PCSK5: variants seen among roughly 807,000 people sequenced by gnomAD.
The protein encoded by PCSK5 is proprotein convertase subtilisin/kexin type 5.
A neutral mutation model predicts 233.2 loss-of-function variants in PCSK5; 129 were observed. The observed-to-expected ratio is 0.55, with a 90% CI of 0.48 to 0.64. PCSK5 has a LOEUF of 0.64. PCSK5 is among the 30% of genes least tolerant of loss of function. The pLI is 0.00. For missense variants in PCSK5, 2,076 were observed against 2,430.1 expected (o/e 0.85, Z 3.06); for synonymous variants, 825 against 879.2 (o/e 0.94, Z 1.09).
At chr9:76,156,478 A>G (rs1203003284) in intron 10 of PCSK5, among the ~76,000 whole-genome samples, 1 of 152,232 alleles carries the variant, frequency 6.6e-6, no homozygotes, top group Non-Finnish European at 1.5e-5. Flanking sequence ...ATTACTAGAT[A>G]TGTCAGAACG....
At position 76,328,122 on chromosome 9, in the gene PCSK5, T is replaced by C; in HGVS notation, c.4453T>C (p.Ser1485Pro). Residue 1485 changes from serine to proline, a missense_variant, in exon 33 of 38, where the codon TCC (serine) becomes CCC (proline). Transcript: ENST00000674117. ...SCMANEKCSP[S>P]EYWDEDAPGC... ...CATGGCCAACGAGAAGTGCTCACCCTCCGAGTACTGGGATGAGGATGCTCC... is the reference window on the plus strand; with the variant it reads ...CATGGCCAACGAGAAGTGCTCACCCCCCGAGTACTGGGATGAGGATGCTCC... 1 of 1,612,602 alleles carries C rather than the reference T, an allele frequency of 6.2e-7. No individual in the cohort carries two copies. The highest frequency in any genetic ancestry group is 8.5e-7 in the Non-Finnish European group (1 of 1,179,640).
At chr9:75,913,276 T>C (rs1265311918) in intron 1 of PCSK5, among the ~76,000 whole-genome samples, 1 of 152,372 alleles carries the variant, frequency 6.6e-6, no homozygotes, top group Admixed American at 6.5e-5. Flanking sequence ...ACCATCAAAG[T>C]ACCTGAATCA....
rs116251123 is a variant in PCSK5, at chr9:76,335,094, A to G, written c.4748+2484A>G. Among the ~76,000 whole-genome samples, 794 of 152,260 alleles carry G rather than the reference A, an allele frequency of 5.2e-3. 9 individuals are homozygous for G. Among genetic ancestry groups the G allele is most frequent in the African/African-American group, 0.018 (752 of 41,552 alleles). On this transcript the variant is annotated intron_variant, in intron 34 of 37. Coordinates refer to ENST00000674117, the MANE Select transcript of PCSK5 (RefSeq NM_001372043.1). ...CCCTGTCTTAAAAACAAACAAACAA[A>G]CAAACAAAAACAGGAATGAAGCTAC...
At chr9:75,936,761 C>T (rs1028885497) in intron 2 of PCSK5, among the ~76,000 whole-genome samples, 1 of 152,148 alleles carries the variant, frequency 6.6e-6, no homozygotes, top group African/African-American at 2.4e-5. Flanking sequence ...TTTGACCTCC[C>T]CTTATGAATC....
chr9:76,192,672 A>G (rs1824458943), intron 20 of PCSK5, among the ~76,000 whole-genome samples: 1 of 151,130 alleles, frequency 6.6e-6, no homozygotes, highest in Non-Finnish European at 1.5e-5. Context: ...AAATTAAACT[A>G]TTGTTCAATA....
At chr9:76,083,825 A>T (rs1438892793) in intron 7 of PCSK5, among the ~76,000 whole-genome samples, 1 of 152,236 alleles carries the variant, frequency 6.6e-6, no homozygotes, top group African/African-American at 2.4e-5. Context: ...GACAGAAGAG[A>T]TATAATGAAA....
intron 12 of PCSK5, among the ~76,000 whole-genome samples, chr9:76,166,411 A>G (rs4744783): frequency 0.34 from 52,304 of 152,008 alleles, 10,065 homozygotes; most frequent in African/African-American, 0.52. Flanking sequence ...TTTGTGCCCG[A>G]TGTGATTTGA....
chr9:76,184,658 T>C lies in PCSK5; in HGVS notation c.2198-15T>C, dbSNP rs751799294. 2.5e-6 allele frequency: 4 copies of C among 1,571,750 alleles called. No homozygotes were observed. In the South Asian group the frequency reaches 4.5e-5, roughly 18 times the overall value. On this transcript the variant is annotated splice_polypyrimidine_tract_variant and intron_variant, in intron 16 of 37. Transcript: ENST00000674117. ...ATTGACCAACTGATTTACAACTTTC[T>C]CTTTTTTTTAACAGAGAAAAATCTT...
intron 5 of PCSK5, among the ~76,000 whole-genome samples, chr9:76,043,335 CAA>C (rs71372040): frequency 2.8e-4 from 18 of 64,016 alleles, no homozygotes; most frequent in Non-Finnish European, 3.2e-4. Flanking sequence ...GACTCCATCT[CAA>C]AAAAAAAAAA....
intron 20 of PCSK5, among the ~76,000 whole-genome samples, chr9:76,206,415 T>G (rs1236551158): frequency 6.6e-6 from 1 of 152,208 alleles, no homozygotes; most frequent in African/African-American, 2.4e-5. Context: ...TCTGGAAGCA[T>G]ACGAAACATC....
chr9:76,068,411 A>G (rs1344266066), intron 6 of PCSK5, among the ~76,000 whole-genome samples: 1 of 152,106 alleles, frequency 6.6e-6, no homozygotes, highest in African/African-American at 2.4e-5. Flanking sequence ...GGAAAGAAGC[A>G]TTTTGTAATT....
At chr9:75,932,280 T>G (rs1461650867) in intron 1 of PCSK5, 99 bp from the exon 2 acceptor site, 4 of 737,464 alleles carry the variant, frequency 5.4e-6, no homozygotes, top group South Asian at 5.3e-5. Context: ...ACCTTTTTTG[T>G]TTTGTGTTCC....
rs28479288 is a variant in PCSK5, at chr9:76,160,930, C to T, written c.1619+1759C>T. Among the ~76,000 whole-genome samples the T allele has an allele frequency of 6.4e-3, 980 of 152,238 alleles. 16 individuals are homozygous for T. Among genetic ancestry groups the T allele is most frequent in the African/African-American group, 0.023 (940 of 41,538 alleles). On this transcript the variant is annotated intron_variant, in intron 12 of 37. Transcript: ENST00000674117. ...TTGGGATTACAGGCACACGCCACCA[C>T]AGCCAGCTAATTTTTGTATTTTTAG...
At chr9:76,072,417 A>G (rs1381577727) in intron 7 of PCSK5, among the ~76,000 whole-genome samples, 1 of 152,126 alleles carries the variant, frequency 6.6e-6, no homozygotes, top group Non-Finnish European at 1.5e-5. Flanking sequence ...TTGATTGACC[A>G]CTCTCCCACA....
At chr9:76,088,899 G>A (rs1049121147) in intron 7 of PCSK5, among the ~76,000 whole-genome samples, 1 of 151,372 alleles carries the variant, frequency 6.6e-6, no homozygotes, top group Non-Finnish European at 1.5e-5. Flanking sequence ...GTTTTTAAAG[G>A]GGGTTTTGGT....
intron 36 of PCSK5, among the ~76,000 whole-genome samples, chr9:76,352,895 A>C (rs1331170686): frequency 6.6e-6 from 1 of 152,014 alleles, no homozygotes; most frequent in Non-Finnish European, 1.5e-5. Context: ...ATACAAAAAA[A>C]AAAAATAGCT....
intron 9 of PCSK5, among the ~76,000 whole-genome samples, chr9:76,113,637 G>T (rs1005407070): frequency 6.6e-6 from 1 of 152,134 alleles, no homozygotes; most frequent in African/African-American, 2.4e-5. Context: ...TCACTGGGGC[G>T]AGGGGTGCTT....
chr9:75,907,062 C>T (rs1826292275), intron 1 of PCSK5, among the ~76,000 whole-genome samples: 1 of 152,154 alleles, frequency 6.6e-6, no homozygotes, highest in Admixed American at 6.5e-5. Context: ...CACCTCTTTA[C>T]CTATATTTTG....
intron 9 of PCSK5, among the ~76,000 whole-genome samples, chr9:76,114,793 T>C (rs1223767062): frequency 1.3e-5 from 2 of 152,304 alleles, no homozygotes; most frequent in South Asian, 2.1e-4. Flanking sequence ...CCTGTTGCAA[T>C]CACCAGACCT....
Sources: allele counts gnomAD v4.1 joint callset (sites outside exome capture counted in the v4.1 genomes callset), GRCh38; gene constraint gnomAD v4.1.1; transcripts MANE v1.5; gene names NCBI Gene and HGNC (gene_info 2026-07-23, HGNC 2026-07-21).